Variants in DNAH5 observed in about 807,000 individuals in gnomAD.
DNAH5 encodes the protein axonemal beta dynein heavy chain 5.
DNAH5 carries 372 observed loss-of-function variants against 518.2 expected under a neutral mutation model. The observed-to-expected ratio is 0.72, with a 90% CI of 0.66 to 0.78. DNAH5 has a LOEUF of 0.78. DNAH5 is among the 30% of genes least tolerant of loss of function. The pLI, the probability that DNAH5 is intolerant of heterozygous loss-of-function variation, is 0.00. For missense variants in DNAH5, 5,523 were observed against 5,687.0 expected (o/e 0.97, Z 0.93); for synonymous variants, 2,039 against 2,025.9 (o/e 1.01, Z -0.17).
chr5:13,841,034 G>C lies in DNAH5; in HGVS notation c.5581C>G (p.Gln1861Glu). ...GTATTGAGTAGCTCCAGGAAAGCCT[G>C]ATTAGTTTTCTGCATGATTTTTTTA... ...FDKKIMQKTN[Q>E]AFLELLNTLI... The change falls in exon 34 of 79, where the codon CAG (glutamine) becomes GAG (glutamate). Residue 1861 changes from glutamine to glutamate, a missense_variant. By Grantham distance (29) the Gln-to-Glu change is conservative (BLOSUM62 2). Coordinates refer to ENST00000265104, the MANE Select transcript of DNAH5 (RefSeq NM_001369.3). The C allele has an allele frequency of 6.2e-7, 1 of 1,614,142 alleles. No individual in the cohort carries two copies. Among genetic ancestry groups the C allele is most frequent in the Non-Finnish European group, 8.5e-7 (1 of 1,180,016 alleles).
intron 43 of DNAH5, among the ~76,000 whole-genome samples, chr5:13,813,079 T>A (rs1429188206): frequency 6.6e-6 from 1 of 152,188 alleles, no homozygotes; most frequent in African/African-American, 2.4e-5. Flanking sequence ...TGCCCTCTAA[T>A]AACTCTCAGA....
chr5:13,811,499 C>A, intron 44 of DNAH5, 148 bp downstream of exon 44: 1 of 709,344 alleles, frequency 1.4e-6, no homozygotes, highest in South Asian at 2.0e-5. Flanking sequence ...AATATTCCCC[C>A]TCCCCAACAG....
chr5:14,003,792 G>C (rs1468070474), intron 1 of DNAH5, among the ~76,000 whole-genome samples: 7 of 152,228 alleles, frequency 4.6e-5, no homozygotes, highest in African/African-American at 1.7e-4. Flanking sequence ...CAGCCACCAT[G>C]AAAGCAGCCC....
Position 13,900,881 on chromosome 5 carries a change from C to A in DNAH5, c.2052+371G>T, listed in dbSNP as rs1053156307. ...GATATGCTATGATTAACCAGTTGTA[C>A]AACAAAAGAAAATTTGAAACTTTGT... is the stretch of plus-strand genomic sequence containing the variant. On this transcript the variant is annotated intron_variant, in intron 14 of 78. Coordinates refer to ENST00000265104, the MANE Select transcript of DNAH5 (RefSeq NM_001369.3). 7.0e-5 allele frequency: 23 copies of A among 327,312 alleles called. No homozygotes were observed. The Middle Eastern group carries it at 2.9e-3, about 42-fold the overall frequency. The allele number at this position is 327,312 out of a possible 1,614,324, so 20.3% of individuals were successfully genotyped here.
intron 71 of DNAH5, among the ~76,000 whole-genome samples, chr5:13,720,101 G>GAA (rs34247457): frequency 8.1e-6 from 1 of 123,632 alleles, no homozygotes; most frequent in African/African-American, 2.9e-5. Flanking sequence ...CTTTCAAAAA[G>GAA]AAAAAACACC....
chr5:14,004,855 A>ATAGCCTCTCAATCTCCTTTTT lies in DNAH5; in HGVS notation c.12+6792_12+6793insAAAAAGGAGATTGAGAGGCTA, dbSNP rs537435156. 7.3e-3 allele frequency among the ~76,000 whole-genome samples: 1,117 copies of ATAGCCTCTCAATCTCCTTTTT among 152,156 alleles called. 9 individuals are homozygous for ATAGCCTCTCAATCTCCTTTTT. The highest frequency in any genetic ancestry group is 0.012 in the Non-Finnish European group (827 of 67,994). On this transcript the variant is annotated intron_variant, in intron 1 of 78. Transcript: ENST00000681290. ...ACTGTGAAATGATGGGTTGATCTCAATAGCCTCTCAATCTCCTTTATTATT... is the reference window on the plus strand; with the variant it reads ...ACTGTGAAATGATGGGTTGATCTCAATAGCCTCTCAATCTCCTTTTTTAGCCTCTCAATCTCCTTTATTATT...
chr5:13,947,574 A>G (rs532062548), upstream of DNAH5, among the ~76,000 whole-genome samples: 1 of 152,206 alleles, frequency 6.6e-6, no homozygotes, highest in African/African-American at 2.4e-5. Context: ...GGCAATATCA[A>G]TGGAGAGGAC....
chr5:13,901,220 A>G (rs1561535513), intron 14 of DNAH5, 32 bp downstream of exon 14: 1 of 1,605,580 alleles, frequency 6.2e-7, no homozygotes, highest in Non-Finnish European at 8.5e-7. Context: ...CATGATTCCA[A>G]CAATGGGAAG....
chr5:13,719,379 C>G (rs1316129998), intron 71 of DNAH5, among the ~76,000 whole-genome samples: 2 of 152,138 alleles, frequency 1.3e-5, no homozygotes, highest in Non-Finnish European at 2.9e-5. Flanking sequence ...AAAAGGACTT[C>G]CAAGTAAAGA....
intron 63 of DNAH5, among the ~76,000 whole-genome samples, 197 bp from the exon 64 acceptor site, chr5:13,752,486 T>C (rs1750378937): frequency 6.6e-6 from 1 of 152,228 alleles, no homozygotes; most frequent in African/African-American, 2.4e-5. Context: ...ACCTGACCCC[T>C]ATGCTTTCTG....
At chr5:13,836,453 T>A (rs1596790) in intron 35 of DNAH5, among the ~76,000 whole-genome samples, 62,780 of 151,892 alleles carry the variant, frequency 0.41, 13,402 homozygotes, top group East Asian at 0.6. Context: ...CAAAGGGACA[T>A]CCAGACCACT....
At position 13,807,607 on chromosome 5, in the gene DNAH5, G is replaced by A; in HGVS notation, c.7871C>T (p.Thr2624Ile). Residue 2624 changes from threonine (T) to isoleucine (I), a missense_variant, in exon 47 of 79, where the codon ACC becomes ATC. By Grantham distance (89) the Thr-to-Ile change is moderately conservative. Coordinates refer to ENST00000265104, the MANE Select transcript of DNAH5 (RefSeq NM_001369.3). Reference protein sequence around the residue: ...IKSLNFSSATTPLMFQRTIES... With the variant: ...IKSLNFSSATIPLMFQRTIES... Reference sequence around the variant, plus strand: ...AGCCAGTACCTGGAACATCAGTGGGGTGGTTGCAGAAGAAAAATTCAGACT... The same window carrying A: ...AGCCAGTACCTGGAACATCAGTGGGATGGTTGCAGAAGAAAAATTCAGACT... 6.2e-7 allele frequency: 1 copy of A among 1,613,746 alleles called. No homozygotes were observed. Among genetic ancestry groups the A allele is most frequent in the South Asian group, 1.1e-5 (1 of 91,002 alleles).
At chr5:13,884,654 T>C (rs1389810451) in intron 19 of DNAH5, among the ~76,000 whole-genome samples, 2 of 152,122 alleles carry the variant, frequency 1.3e-5, no homozygotes, top group Non-Finnish European at 2.9e-5. Flanking sequence ...GTGCCCAACA[T>C]AGTGAAACCC....
intron 1 of DNAH5, among the ~76,000 whole-genome samples, chr5:13,988,033 T>C (rs934512150): frequency 1.3e-5 from 2 of 152,006 alleles, no homozygotes; most frequent in African/African-American, 4.8e-5. Context: ...CGCTAGGTGG[T>C]GAGCTTTCAC....
chr5:13,811,933 G>A (rs1371456793), intron 43 of DNAH5, 110 bp from the exon 44 acceptor site: 2 of 879,656 alleles, frequency 2.3e-6, no homozygotes, highest in African/African-American at 3.4e-5. Flanking sequence ...AATATCTAAT[G>A]ATTATACCAC....
intron 26 of DNAH5, 95 bp downstream of exon 26, chr5:13,866,125 T>C (rs1769207090): frequency 7.0e-6 from 8 of 1,148,808 alleles, no homozygotes; most frequent in South Asian, 2.6e-5. Flanking sequence ...TATTCCACAA[T>C]AGGGCCCTCT....
At chr5:13,876,548 G>T in intron 22 of DNAH5, 136 bp downstream of exon 22, 2 of 974,170 alleles carry the variant, frequency 2.1e-6, no homozygotes, top group Admixed American at 2.6e-5. Context: ...AACATTTGCT[G>T]AGCACATACA....
At chr5:13,806,170 G>A (rs1379165468) in intron 47 of DNAH5, among the ~76,000 whole-genome samples, 3 of 152,060 alleles carry the variant, frequency 2.0e-5, no homozygotes, top group Middle Eastern at 3.4e-3. Flanking sequence ...ATTGTAAAGC[G>A]GTATTAAAGG....
intron 74 of DNAH5, 68 bp downstream of exon 74, chr5:13,716,419 A>C: frequency 9.1e-7 from 1 of 1,104,826 alleles, no homozygotes; most frequent in Non-Finnish European, 1.4e-6. Context: ...TAGACAGTGT[A>C]ATTAATACCC....
Sources: allele counts gnomAD v4.1 joint callset (sites outside exome capture counted in the v4.1 genomes callset), GRCh38; gene constraint gnomAD v4.1.1; transcripts MANE v1.5; gene names NCBI Gene and HGNC (gene_info 2026-07-23, HGNC 2026-07-21).